PTPRB: variants seen among roughly 807,000 people sequenced by gnomAD.
PTPRB encodes the protein receptor-type tyrosine-protein phosphatase beta.
PTPRB carries 97 observed loss-of-function variants against 238.1 expected under a neutral mutation model. The observed-to-expected ratio is 0.41, with a 90% CI of 0.35 to 0.48. PTPRB has a LOEUF of 0.48. Among genes scored for constraint, PTPRB ranks in the 20% least tolerant of loss-of-function variants. The pLI is 0.30. For missense variants in PTPRB, 2,292 were observed against 2,681.9 expected, an observed-to-expected ratio of 0.85 and a Z score of 3.21; for synonymous variants, 970 against 995.4, an observed-to-expected ratio of 0.97 and a Z score of 0.48.
At chr12:70,636,096 T>A in intron 1 of PTPRB, 30 bp from the exon 2 acceptor site, 1 of 1,537,936 alleles carries the variant, frequency 6.5e-7, no homozygotes, top group Non-Finnish European at 8.8e-7. Flanking sequence ...TAAAGCACTA[T>A]GTAGCAAATT....
At chr12:70,532,427 T>G (rs1466823567) in intron 31 of PTPRB, among the ~76,000 whole-genome samples, 1 of 148,514 alleles carries the variant, frequency 6.7e-6, no homozygotes, top group Non-Finnish European at 1.5e-5. Context: ...CTGTGTATCA[T>G]TTCCACGCAT....
intron 4 of PTPRB, among the ~76,000 whole-genome samples, chr12:70,598,992 C>T (rs1401786739): frequency 6.6e-6 from 1 of 152,152 alleles, no homozygotes; most frequent in Non-Finnish European, 1.5e-5. Flanking sequence ...GCTGCGAGAA[C>T]CTGCACTGGA....
chr12:70,596,358 A>C lies in PTPRB; in HGVS notation c.980-31T>G, dbSNP rs551088947. Reference sequence around the variant, plus strand: ...AGGCAAATACACACACACACACAAAAAAAAAAAAGAAAGAAAAAGAAAAAA... The same window carrying C: ...AGGCAAATACACACACACACACAAACAAAAAAAAGAAAGAAAAAGAAAAAA... On this transcript the variant is annotated intron_variant, in intron 4 of 33. Transcript: ENST00000334414. 423 of 1,331,812 alleles carry C rather than the reference A, an allele frequency of 3.2e-4. 1 individual carries two copies. Among genetic ancestry groups the C allele is most frequent in the African/African-American group, 1.9e-3 (123 of 65,268 alleles). The allele number at this position is 1,331,812 out of a possible 1,614,324, so 82.5% of individuals were successfully genotyped here. A position where few individuals can be genotyped will look rare whatever the true frequency, so the allele number is the denominator to read the frequency against.
In PTPRB at chr12:70,562,311, A is replaced by C. The variant is rs571473785; in HGVS notation, c.4168+533T>G. ...CCCAAAACATTTTTTTTTGAACAGG[A>C]GATAAAGGACTCAAATTATGGGAAA... On this transcript the variant is annotated intron_variant, in intron 16 of 33. Transcript: ENST00000334414. Among the ~76,000 whole-genome samples, 16 of 152,102 alleles carry C rather than the reference A, an allele frequency of 1.1e-4. No individual in the cohort carries two copies. In the South Asian group the frequency reaches 3.3e-3, roughly 32 times the overall value.
At chr12:70,620,364 C>T (rs1017758043) in intron 3 of PTPRB, among the ~76,000 whole-genome samples, 1 of 152,180 alleles carries the variant, frequency 6.6e-6, no homozygotes, top group Admixed American at 6.5e-5. Flanking sequence ...AGCCTAGCTA[C>T]CCCTTGGACT....
chr12:70,598,411 GAAATGTAAT>G (rs1883210422), intron 4 of PTPRB, among the ~76,000 whole-genome samples: 1 of 152,162 alleles, frequency 6.6e-6, no homozygotes, highest in Non-Finnish European at 1.5e-5. Context: ...CAGAAGCAGT[GAAATGTAAT>G]GGCAGACAGC....
intron 16 of PTPRB, among the ~76,000 whole-genome samples, chr12:70,561,896 G>T (rs551733887): frequency 6.6e-6 from 1 of 152,292 alleles, no homozygotes; most frequent in Non-Finnish European, 1.5e-5. Context: ...TGACTGTCTT[G>T]TTCACCGTCA....
At chr12:70,555,363 G>T (rs761029894) in intron 19 of PTPRB, 54 bp from the exon 20 acceptor site, 5 of 1,506,962 alleles carry the variant, frequency 3.3e-6, no homozygotes, top group Non-Finnish European at 4.5e-6. Context: ...TGCTTTCACA[G>T]CATAAACAAC....
rs141055038 is a variant in PTPRB at position 70,591,976 on chromosome 12, T to G, written c.1780+306A>C. Reference sequence around the variant, plus strand: ...GAAAACATGGTTAAATGCTAACTGGTTCTCACTGTAAGAATGAATCAGAAA... The same window carrying G: ...GAAAACATGGTTAAATGCTAACTGGGTCTCACTGTAAGAATGAATCAGAAA... On this transcript the variant is annotated intron_variant, in intron 7 of 33. Transcript: ENST00000334414. The G allele has an allele frequency of 1.1e-5, 4 of 374,236 alleles. No homozygotes were observed. The Admixed American group carries it at 1.7e-4, about 16-fold the overall frequency. 23.2% of individuals were successfully genotyped at this position (374,236 alleles called of 1,614,324 possible). A position where few individuals can be genotyped will look rare whatever the true frequency, so the allele number is the denominator to read the frequency against.
intron 2 of PTPRB, among the ~76,000 whole-genome samples, chr12:70,626,477 C>A (rs564135037): frequency 1.3e-5 from 2 of 151,472 alleles, no homozygotes; most frequent in African/African-American, 2.4e-5. Flanking sequence ...GTGGATTCAA[C>A]CAATTGCAGA....
At chr12:70,583,188 C>A (rs986687833) in intron 9 of PTPRB, among the ~76,000 whole-genome samples, 3 of 152,058 alleles carry the variant, frequency 2.0e-5, no homozygotes, top group Non-Finnish European at 2.9e-5. Context: ...TACCATATGA[C>A]CCAGCAATAT....
At chr12:70,583,498 G>A (rs1210301425) in intron 9 of PTPRB, among the ~76,000 whole-genome samples, 2 of 152,118 alleles carry the variant, frequency 1.3e-5, no homozygotes, top group Non-Finnish European at 2.9e-5. Flanking sequence ...GAGAAAGGAG[G>A]TAAAGTGTAG....
At chr12:70,597,791 A>G (rs1883159924) in intron 4 of PTPRB, among the ~76,000 whole-genome samples, 4 of 152,216 alleles carry the variant, frequency 2.6e-5, no homozygotes, top group Admixed American at 2.6e-4. Context: ...TACATATAAA[A>G]GAAATAAGAT....
At chr12:70,553,759 G>C (rs2567134) in intron 20 of PTPRB, among the ~76,000 whole-genome samples, 122,613 of 152,248 alleles carry the variant, frequency 0.81, 50,055 homozygotes, top group African/African-American at 0.95. Context: ...ATCCTGGATT[G>C]TTGTTTAATA....
intron 33 of PTPRB, among the ~76,000 whole-genome samples, chr12:70,522,827 A>G (rs960341136): frequency 4.7e-5 from 7 of 150,154 alleles, no homozygotes; most frequent in African/African-American, 1.7e-4. Flanking sequence ...AGCTATTATA[A>G]CATCCTCAAA....
intron 9 of PTPRB, among the ~76,000 whole-genome samples, chr12:70,583,987 A>T (rs556138703): frequency 1.9e-4 from 29 of 152,328 alleles, no homozygotes; most frequent in Non-Finnish European, 3.8e-4. Flanking sequence ...TATTATAATT[A>T]TCAGACATAG....
Position 70,559,437 on chromosome 12 carries a change from A to G in PTPRB, c.4620T>C (p.Leu1540=), listed in dbSNP as rs1424374185. ...TGAATTGATAGGATCTCCCTGGACG[A>G]AGACCATACACAATGCGTCCTTCTG... ...RKSEGRIVYG[L]RPGRSYQFNV... The change falls in exon 18 of 34, where the codon CTT becomes CTC. Residue 1540 remains leucine (L), a synonymous_variant. Transcript: ENST00000334414. 6.2e-7 allele frequency: 1 copy of G among 1,614,022 alleles called. No homozygotes were observed. The highest frequency in any genetic ancestry group is 8.5e-7 in the Non-Finnish European group (1 of 1,179,872).
intron 10 of PTPRB, among the ~76,000 whole-genome samples, chr12:70,577,909 C>T (rs1212645016): frequency 6.6e-6 from 1 of 152,116 alleles, no homozygotes; most frequent in Non-Finnish European, 1.5e-5. Context: ...TTCTTTTCTT[C>T]CTTTTTGCTT....
chr12:70,541,332 T>G (rs1488378067), intron 22 of PTPRB: 1 of 160,270 alleles, frequency 6.2e-6, no homozygotes, highest in African/African-American at 2.4e-5. Flanking sequence ...ACACAGCATC[T>G]GGGGCTTTGG....
Sources: allele counts gnomAD v4.1 joint callset (sites outside exome capture counted in the v4.1 genomes callset), GRCh38; gene constraint gnomAD v4.1.1; transcripts MANE v1.5; gene names NCBI Gene and HGNC (gene_info 2026-07-23, HGNC 2026-07-21).